CCBE1: variants seen among roughly 807,000 people sequenced by gnomAD.
CCBE1 encodes the protein collagen and calcium-binding EGF domain-containing protein 1.
CCBE1 carries 37 observed loss-of-function variants against 50.0 expected under a neutral mutation model. The ratio of observed to expected loss-of-function variants is 0.74; its 90% CI spans 0.57 to 0.97. CCBE1 has a LOEUF of 0.97. Ranked by LOEUF, CCBE1 falls within the 50% of genes least tolerant of loss-of-function variation. CCBE1 has a pLI of 0.00. For synonymous variants in CCBE1, 234 were observed against 203.7 expected, an observed-to-expected ratio of 1.15 and a Z score of -1.27; for missense variants, 538 against 523.8, an observed-to-expected ratio of 1.03 and a Z score of -0.26.
chr18:59,538,658 G>A (rs891104861), intron 2 of CCBE1, among the ~76,000 whole-genome samples: 1 of 152,164 alleles, frequency 6.6e-6, no homozygotes, highest in African/African-American at 2.4e-5. Context: ...AGTCAAAAGT[G>A]GGCCATAAGT....
intron 2 of CCBE1, among the ~76,000 whole-genome samples, chr18:59,525,752 T>C (rs1295724317): frequency 6.6e-6 from 1 of 152,246 alleles, no homozygotes; most frequent in Non-Finnish European, 1.5e-5. Flanking sequence ...TTAATCCATC[T>C]TGAGTTAATT....
At chr18:59,601,335 G>C (rs930677372) in intron 2 of CCBE1, among the ~76,000 whole-genome samples, 3 of 152,020 alleles carry the variant, frequency 2.0e-5, no homozygotes, top group African/African-American at 7.3e-5. Context: ...CATGGGGGCA[G>C]GGTCTTTCCC....
intron 2 of CCBE1, among the ~76,000 whole-genome samples, chr18:59,630,699 T>C (rs547748921): frequency 6.6e-6 from 1 of 152,322 alleles, no homozygotes; most frequent in African/African-American, 2.4e-5. Context: ...TCCTAAGTGG[T>C]GGATCTAGGC....
chr18:59,604,423 G>C (rs1299179402), intron 2 of CCBE1, among the ~76,000 whole-genome samples: 1 of 152,154 alleles, frequency 6.6e-6, no homozygotes, highest in Non-Finnish European at 1.5e-5. Context: ...ACATAGAACA[G>C]AGATACCTAT....
At chr18:59,656,509 G>A (rs917699458) in intron 2 of CCBE1, among the ~76,000 whole-genome samples, 5 of 152,250 alleles carry the variant, frequency 3.3e-5, no homozygotes, top group Non-Finnish European at 5.9e-5. Flanking sequence ...TTTACCTTCC[G>A]CGGAGCCAAT....
chr18:59,680,017 A>G (rs1443234732), intron 2 of CCBE1, among the ~76,000 whole-genome samples: 2 of 152,014 alleles, frequency 1.3e-5, no homozygotes, highest in East Asian at 3.9e-4. Flanking sequence ...TGAGGTCAGG[A>G]CGAGACCAAC....
intron 2 of CCBE1, among the ~76,000 whole-genome samples, chr18:59,559,577 C>T (rs376677751): frequency 5.6e-4 from 86 of 152,366 alleles, no homozygotes; most frequent in African/African-American, 2.1e-3. Flanking sequence ...CCTGTTACAG[C>T]TGGCGGAAGC....
intron 2 of CCBE1, among the ~76,000 whole-genome samples, chr18:59,541,783 G>A (rs1413033327): frequency 6.6e-6 from 1 of 152,138 alleles, no homozygotes; most frequent in Non-Finnish European, 1.5e-5. Context: ...GAGGGGATGT[G>A]ATGGAGAAGA....
At chr18:59,593,298 C>T (rs192044939) in intron 2 of CCBE1, among the ~76,000 whole-genome samples, 1 of 152,338 alleles carries the variant, frequency 6.6e-6, no homozygotes, top group African/African-American at 2.4e-5. Flanking sequence ...ATCTTCAGTT[C>T]ACATTTTTCT....
chr18:59,692,703 C>G (rs991516611), intron 2 of CCBE1, among the ~76,000 whole-genome samples: 7 of 152,126 alleles, frequency 4.6e-5, no homozygotes, highest in Admixed American at 1.3e-4. Context: ...TGTATTATCT[C>G]AAAGAAAAGT....
At chr18:59,680,736 CA>C (rs1436004197) in intron 2 of CCBE1, among the ~76,000 whole-genome samples, 1 of 151,408 alleles carries the variant, frequency 6.6e-6, no homozygotes, top group Non-Finnish European at 1.5e-5. Flanking sequence ...CAAAACAAAA[CA>C]AAAATGAAGA....
chr18:59,485,718 C>T (rs969824135), intron 2 of CCBE1, among the ~76,000 whole-genome samples: 2 of 151,928 alleles, frequency 1.3e-5, no homozygotes, highest in Non-Finnish European at 2.9e-5. Flanking sequence ...ACAAGCGATT[C>T]TCCTGCATCA....
intron 2 of CCBE1, among the ~76,000 whole-genome samples, chr18:59,640,943 T>G (rs2144645153): frequency 6.6e-6 from 1 of 152,250 alleles, no homozygotes; most frequent in East Asian, 1.9e-4. Context: ...AGATACCGTC[T>G]CGTACCAGTC....
intron 2 of CCBE1, among the ~76,000 whole-genome samples, chr18:59,512,135 G>T (rs1013148285): frequency 6.6e-6 from 1 of 152,244 alleles, no homozygotes; most frequent in Non-Finnish European, 1.5e-5. Context: ...GAAGGGAAGT[G>T]CTGGGAAAGG....
intron 2 of CCBE1, among the ~76,000 whole-genome samples, chr18:59,587,503 C>A (rs1022381302): frequency 6.6e-6 from 1 of 152,188 alleles, no homozygotes; most frequent in African/African-American, 2.4e-5. Context: ...TTATATTAGT[C>A]AGGACAGAAC....
At chr18:59,474,455 T>C (rs1912215218) in intron 3 of CCBE1, among the ~76,000 whole-genome samples, 1 of 152,242 alleles carries the variant, frequency 6.6e-6, no homozygotes, top group African/African-American at 2.4e-5. Context: ...TTGGGTTGTC[T>C]AGAATGCCCA....
At chr18:59,521,166 G>A (rs1222882888) in intron 2 of CCBE1, among the ~76,000 whole-genome samples, 1 of 152,144 alleles carries the variant, frequency 6.6e-6, no homozygotes, top group Admixed American at 6.5e-5. Flanking sequence ...CAGTCGAGAT[G>A]GCTATTTTAA....
chr18:59,501,557 T>A (rs953688426), intron 2 of CCBE1, among the ~76,000 whole-genome samples: 4 of 152,100 alleles, frequency 2.6e-5, no homozygotes, highest in Admixed American at 6.6e-5. Flanking sequence ...CCCAAACACA[T>A]CTAACCTGCT....
At chr18:59,572,299 T>C in intron 2 of CCBE1, among the ~76,000 whole-genome samples, 1 of 152,152 alleles carries the variant, frequency 6.6e-6, no homozygotes, top group South Asian at 2.1e-4. Flanking sequence ...TTTATGGGTT[T>C]TTTTCCCCCT....
Sources: allele counts gnomAD v4.1 joint callset (sites outside exome capture counted in the v4.1 genomes callset), GRCh38; gene constraint gnomAD v4.1.1; transcripts MANE v1.5; gene names NCBI Gene and HGNC (gene_info 2026-07-23, HGNC 2026-07-21).